Variants in PRKCB observed in about 807,000 individuals in gnomAD.
PRKCB encodes protein kinase C beta, also known as protein kinase C beta type.
Under a neutral mutation model 81.5 loss-of-function variants are expected in PRKCB, and 13 were observed. That is an observed-to-expected ratio of 0.16 (90% CI 0.10 to 0.25). The LOEUF is 0.25. Ranked by LOEUF, PRKCB falls within the 10% of genes least tolerant of loss-of-function variation. The pLI is 1.00. For missense variants in PRKCB, 509 were observed against 875.7 expected, an observed-to-expected ratio of 0.58 and a Z score of 5.29; for synonymous variants, 335 against 321.4, an observed-to-expected ratio of 1.04 and a Z score of -0.45.
chr16:24,055,689 CA>C (rs1965895281), intron 5 of PRKCB, among the ~76,000 whole-genome samples: 1 of 152,206 alleles, frequency 6.6e-6, no homozygotes, highest in Non-Finnish European at 1.5e-5. Flanking sequence ...AATCTGAAAT[CA>C]TGGAATGGTT....
chr16:23,934,930 G>A (rs946120856), intron 2 of PRKCB, among the ~76,000 whole-genome samples: 2 of 152,188 alleles, frequency 1.3e-5, no homozygotes, highest in African/African-American at 4.8e-5. Context: ...CTTGAACAAA[G>A]TTGGCTTTTC....
chr16:23,901,444 G>A (rs556704246), intron 2 of PRKCB, among the ~76,000 whole-genome samples: 1 of 152,314 alleles, frequency 6.6e-6, no homozygotes, highest in South Asian at 2.1e-4. Flanking sequence ...ACTGGAAGTT[G>A]TGGGGTGTTT....
chr16:24,115,286 G>A (rs950600093), intron 8 of PRKCB, among the ~76,000 whole-genome samples: 2 of 144,254 alleles, frequency 1.4e-5, no homozygotes, highest in South Asian at 2.3e-4. Flanking sequence ...TATCCCAAGA[G>A]CATTTATCCA....
Position 24,214,711 on chromosome 16 carries a change from C to T in PRKCB, c.1917C>T (p.Val639=), listed in dbSNP as rs1296269699. The T allele has an allele frequency of 3.7e-6, 6 of 1,614,172 alleles. No individual in the cohort carries two copies. The highest frequency in any genetic ancestry group is 5.1e-6 in the Non-Finnish European group (6 of 1,180,026). Residue 639 remains valine, a synonymous_variant, in exon 17 of 17, where the codon GTC becomes GTT. Coordinates refer to ENST00000643927, the MANE Select transcript of PRKCB (RefSeq NM_002738.7). The stretch of plus-strand genomic sequence containing the variant: ...GATTTTTCACCCGCCATCCACCAGT[C>T]CTAACACCTCCCGACCAGGAAGTCA... ...FDRFFTRHPP[V]LTPPDQEVIR...
Position 24,106,858 on chromosome 16 carries a change from G to A in PRKCB, c.822-6115G>A, listed in dbSNP as rs1395656571. 2.0e-5 allele frequency among the ~76,000 whole-genome samples: 3 copies of A among 152,018 alleles called. No homozygotes were observed. In the East Asian group the frequency reaches 5.8e-4, roughly 29 times the overall value. Reference sequence around the variant, plus strand: ...CCTTTTGCCTTTTTCTTATTGACTTGTAAGAACTTTTTATATGAGAAGAAT... The same window carrying A: ...CCTTTTGCCTTTTTCTTATTGACTTATAAGAACTTTTTATATGAGAAGAAT... On this transcript the variant is annotated intron_variant, in intron 7 of 16. Coordinates refer to ENST00000643927, the MANE Select transcript of PRKCB (RefSeq NM_002738.7).
Position 24,217,913 on chromosome 16 carries a change from G to A in PRKCB, c.*3097G>A. 1.0e-6 allele frequency: 1 copy of A among 985,432 alleles called. No homozygotes were observed. The highest frequency in any genetic ancestry group is 1.2e-6 in the Non-Finnish European group (1 of 829,938). The allele number at this position is 985,432 out of a possible 1,614,324, so 61.0% of individuals were successfully genotyped here. A position where few individuals can be genotyped will look rare whatever the true frequency, so the allele number is the denominator to read the frequency against. On this transcript the variant is annotated 3_prime_UTR_variant, in exon 17 of 17. Coordinates refer to ENST00000643927, the MANE Select transcript of PRKCB (RefSeq NM_002738.7). The stretch of plus-strand genomic sequence containing the variant: ...AAAAGGGACAGTGGCCCATTTGGGA[G>A]ACCTTTAGGATCAATGGGAATCAAT...
intron 2 of PRKCB, among the ~76,000 whole-genome samples, chr16:23,944,321 C>G (rs1596482257): frequency 6.6e-6 from 1 of 152,282 alleles, no homozygotes. Context: ...TTTAATATAG[C>G]TTAAAATTAT....
intron 5 of PRKCB, among the ~76,000 whole-genome samples, chr16:24,088,660 T>C (rs745574507): frequency 7.1e-6 from 1 of 141,822 alleles, no homozygotes; most frequent in Non-Finnish European, 1.5e-5. Flanking sequence ...TCCTGGGAGA[T>C]CAAGGCTGCA....
At chr16:23,857,672 C>T (rs1429247641) in intron 2 of PRKCB, among the ~76,000 whole-genome samples, 2 of 151,962 alleles carry the variant, frequency 1.3e-5, no homozygotes, top group African/African-American at 4.8e-5. Flanking sequence ...AAATGAAATC[C>T]GGGCTAGGCT....
At chr16:23,883,631 G>A (rs578180950) in intron 2 of PRKCB, among the ~76,000 whole-genome samples, 1 of 152,342 alleles carries the variant, frequency 6.6e-6, no homozygotes, top group East Asian at 1.9e-4. Flanking sequence ...TTCTAGGTGA[G>A]AGATGGTGTC....
intron 2 of PRKCB, among the ~76,000 whole-genome samples, chr16:23,854,417 G>T (rs1490528239): frequency 6.6e-6 from 1 of 152,116 alleles, no homozygotes. Flanking sequence ...ATTTGGGCTG[G>T]GCTCAGCTGG....
chr16:24,135,471 C>A (rs1227475032), intron 9 of PRKCB, among the ~76,000 whole-genome samples: 1 of 151,956 alleles, frequency 6.6e-6, no homozygotes, highest in Non-Finnish European at 1.5e-5. Flanking sequence ...TGCCACCACG[C>A]CCAAGTAATT....
At chr16:24,076,461 AG>A (rs1194903187) in intron 5 of PRKCB, among the ~76,000 whole-genome samples, 3 of 152,170 alleles carry the variant, frequency 2.0e-5, no homozygotes, top group African/African-American at 7.2e-5. Context: ...GGGGCCTGAT[AG>A]GGAGAAAGAC....
At chr16:24,083,031 C>T (rs981359921) in intron 5 of PRKCB, among the ~76,000 whole-genome samples, 13 of 152,098 alleles carry the variant, frequency 8.5e-5, no homozygotes, top group African/African-American at 3.1e-4. Context: ...AAAACCTGAA[C>T]AAACACTTTA....
Position 24,218,849 on chromosome 16 carries a change from G to T in PRKCB, c.*4033G>T. Reference sequence around the variant, plus strand: ...TCCCTGGTTGTCTTGTAATAAAACAGCCATGGGGTTGTCCCTCCAGTCCGA... The same window carrying T: ...TCCCTGGTTGTCTTGTAATAAAACATCCATGGGGTTGTCCCTCCAGTCCGA... On this transcript the variant is annotated 3_prime_UTR_variant, in exon 17 of 17. Transcript: ENST00000643927. 1 of 985,422 alleles carries T rather than the reference G, an allele frequency of 1.0e-6. No homozygotes were observed. Among genetic ancestry groups the T allele is most frequent in the East Asian group, 1.1e-4 (1 of 8,812 alleles). 61.0% of individuals were successfully genotyped at this position (985,422 alleles called of 1,614,324 possible). A position where few individuals can be genotyped will look rare whatever the true frequency, so the allele number is the denominator to read the frequency against.
chr16:24,172,285 G>C lies in PRKCB; in HGVS notation c.1255G>C (p.Val419Leu). The change falls in exon 11 of 17, where the codon GTG becomes CTG. Residue 419 changes from valine to leucine, a missense_variant. Around this residue, in one of 6 missense-constraint regions of PRKCB, gnomAD observed 106 missense variants for 214.0 expected, o/e 0.50. Coordinates refer to ENST00000643927, the MANE Select transcript of PRKCB (RefSeq NM_002738.7). The stretch of plus-strand genomic sequence containing the variant: ...CCTCTTCCAGGACCGCCTGTACTTT[G>C]TGATGGAGTACGTGAATGGGGGCGA... ...CFQTMDRLYFVMEYVNGGDLM... is the reference protein window; with the variant it reads ...CFQTMDRLYFLMEYVNGGDLM... 6.2e-7 allele frequency: 1 copy of C among 1,613,938 alleles called. No individual in the cohort carries two copies. Among genetic ancestry groups the C allele is most frequent in the Non-Finnish European group, 8.5e-7 (1 of 1,179,916 alleles).
chr16:24,096,772 T>G (rs1006216766), intron 7 of PRKCB, among the ~76,000 whole-genome samples: 1 of 146,012 alleles, frequency 6.8e-6, no homozygotes, highest in Admixed American at 7.0e-5. Flanking sequence ...GTTAACTGAG[T>G]CAAGGAGTCA....
chr16:24,153,646 C>T (rs915933229), intron 9 of PRKCB, among the ~76,000 whole-genome samples: 3 of 152,086 alleles, frequency 2.0e-5, no homozygotes, highest in Admixed American at 6.6e-5. Context: ...AATATTCCCC[C>T]GGTTGGGAGA....
chr16:24,192,538 G>T (rs1244437416), intron 16 of PRKCB, among the ~76,000 whole-genome samples: 1 of 152,166 alleles, frequency 6.6e-6, no homozygotes, highest in African/African-American at 2.4e-5. Flanking sequence ...AACTCATATG[G>T]TTTTTGTGGG....
Sources: gnomAD v4.1 joint callset for allele counts (sites outside exome capture counted in the v4.1 genomes callset) on GRCh38, gnomAD v4.1.1 for gene constraint, gnomAD v4.1.1 regional missense constraint, MANE v1.5 for transcripts, NCBI Gene and HGNC (gene_info 2026-07-23, HGNC 2026-07-21) for gene names.